XKR4: variants seen among roughly 807,000 people sequenced by gnomAD.
XKR4 encodes the protein XK related 4, also known as XK-related protein 4.
XKR4 carries 12 observed loss-of-function variants against 53.9 expected under a neutral mutation model. That is an observed-to-expected ratio of 0.22 (90% CI 0.14 to 0.36). The LOEUF (loss-of-function observed/expected upper bound fraction) is 0.36. Among genes scored for constraint, XKR4 ranks in the 10% least tolerant of loss-of-function variants. The pLI, the probability that XKR4 is intolerant of heterozygous loss-of-function variation, is 1.00. For missense variants in XKR4, 799 were observed against 859.5 expected (o/e 0.93, Z 0.88); for synonymous variants, 354 against 362.4 (o/e 0.98, Z 0.26).
At chr8:55,455,174 G>A in intron 2 of XKR4, 3 of 525,030 alleles carry the variant, frequency 5.7e-6, no homozygotes, top group South Asian at 5.3e-5. Context: ...GCGGCTCGGG[G>A]ACTCGAGGGC....
intron 2 of XKR4, among the ~76,000 whole-genome samples, chr8:55,394,114 T>G (rs191469920): frequency 2.9e-4 from 44 of 152,354 alleles, no homozygotes; most frequent in African/African-American, 7.9e-4. Context: ...ACTCAACTGC[T>G]TTTTTGAAGC....
chr8:55,278,196 G>C (rs1236017195), intron 1 of XKR4, among the ~76,000 whole-genome samples: 1 of 152,018 alleles, frequency 6.6e-6, no homozygotes, highest in Non-Finnish European at 1.5e-5. Flanking sequence ...AATTAGCCAG[G>C]CATGGTGATG....
At chr8:55,398,066 A>G (rs1804547770) in intron 2 of XKR4, among the ~76,000 whole-genome samples, 1 of 152,208 alleles carries the variant, frequency 6.6e-6, no homozygotes, top group South Asian at 2.1e-4. Flanking sequence ...ACAGATACAA[A>G]ATTTGTTTTT....
intron 1 of XKR4, among the ~76,000 whole-genome samples, chr8:55,315,186 G>A (rs1038894339): frequency 3.9e-5 from 6 of 152,140 alleles, no homozygotes; most frequent in African/African-American, 1.4e-4. Context: ...TTAGCAGGTA[G>A]CTTTAGCACT....
intron 1 of XKR4, among the ~76,000 whole-genome samples, chr8:55,237,060 T>C (rs1013953144): frequency 2.6e-5 from 4 of 152,244 alleles, no homozygotes; most frequent in Non-Finnish European, 5.9e-5. Flanking sequence ...TTCCTCTGAT[T>C]TGAAGTCGAC....
At chr8:55,354,480 C>T (rs964783650) in intron 1 of XKR4, among the ~76,000 whole-genome samples, 1 of 152,132 alleles carries the variant, frequency 6.6e-6, no homozygotes. Context: ...GGGGGAGGAG[C>T]AGAGGCAGCT....
At chr8:55,122,938 G>A (rs1017620143) in intron 1 of XKR4, among the ~76,000 whole-genome samples, 2 of 152,178 alleles carry the variant, frequency 1.3e-5, no homozygotes, top group Non-Finnish European at 2.9e-5. Flanking sequence ...ATGGCAGGGT[G>A]TGGATTGAGC....
intron 2 of XKR4, among the ~76,000 whole-genome samples, chr8:55,443,693 G>A (rs1233650846): frequency 2.6e-5 from 4 of 151,192 alleles, no homozygotes; most frequent in Non-Finnish European, 5.9e-5. Context: ...ATACAAAAAA[G>A]AGCCGGGCAT....
At chr8:55,142,729 T>C (rs1368928947) in intron 1 of XKR4, among the ~76,000 whole-genome samples, 1 of 152,242 alleles carries the variant, frequency 6.6e-6, no homozygotes, top group Non-Finnish European at 1.5e-5. Flanking sequence ...AGCTAAACAA[T>C]TGGGACTGAC....
At chr8:55,229,178 G>A (rs1817996558) in intron 1 of XKR4, among the ~76,000 whole-genome samples, 1 of 152,186 alleles carries the variant, frequency 6.6e-6, no homozygotes. Flanking sequence ...TGTAAGGCAG[G>A]CAGCAGGCAG....
intron 1 of XKR4, among the ~76,000 whole-genome samples, chr8:55,322,687 A>G (rs1355593548): frequency 6.6e-6 from 1 of 152,228 alleles, no homozygotes; most frequent in Admixed American, 6.5e-5. Flanking sequence ...AGTATAGAGT[A>G]GTATCTCATT....
At chr8:55,508,995 G>A (rs1806583641) in intron 2 of XKR4, among the ~76,000 whole-genome samples, 1 of 152,052 alleles carries the variant, frequency 6.6e-6, no homozygotes, top group Non-Finnish European at 1.5e-5. Context: ...TTTTGGAACT[G>A]GAGATGAAAT....
chr8:55,466,718 C>T (rs965018451), intron 2 of XKR4, among the ~76,000 whole-genome samples: 16 of 152,074 alleles, frequency 1.1e-4, no homozygotes, highest in Admixed American at 3.9e-4. Context: ...TTAACTCTTT[C>T]CATGTAATAT....
Position 55,534,363 on chromosome 8 carries a change from C to CTTTTTTTTTTTTTTTTTTTTTTTT in XKR4, c.*10141_*10164dup, listed in dbSNP as rs1160872780. 4.2e-5 allele frequency: 2 copies of CTTTTTTTTTTTTTTTTTTTTTTTT among 47,162 alleles called. 1 individual carries two copies. The highest frequency in any genetic ancestry group is 7.5e-5 in the Non-Finnish European group (2 of 26,632). 2.9% of individuals were successfully genotyped at this position (47,162 alleles called of 1,614,324 possible). A position where few individuals can be genotyped will look rare whatever the true frequency, so the allele number is the denominator to read the frequency against. On this transcript the variant is annotated 3_prime_UTR_variant, in exon 3 of 3. Transcript: ENST00000327381. ...GCTCAAAGATCACGAATCTGATATTCTTTTTTTTTTTTTTTTTTTTTTTTT... is the reference window on the plus strand; with the variant it reads ...GCTCAAAGATCACGAATCTGATATTCTTTTTTTTTTTTTTTTTTTTTTTTTTTTTTTTTTTTTTTTTTTTTTTTT...
intron 1 of XKR4, among the ~76,000 whole-genome samples, chr8:55,173,646 A>C (rs1299392256): frequency 6.6e-6 from 1 of 152,186 alleles, no homozygotes; most frequent in East Asian, 1.9e-4. Context: ...CACATTGTGA[A>C]AAAAGTGTTG....
chr8:55,537,956 T>C lies in XKR4; in HGVS notation c.*13729T>C, dbSNP rs1349098540. The C allele has an allele frequency of 6.6e-6, 1 of 152,206 alleles. No individual in the cohort carries two copies. Among genetic ancestry groups the C allele is most frequent in the Non-Finnish European group, 1.5e-5 (1 of 68,038 alleles). The allele number at this position is 152,206 out of a possible 1,614,324, so 9.4% of individuals were successfully genotyped here. On this transcript the variant is annotated 3_prime_UTR_variant, in exon 3 of 3. Transcript: ENST00000327381. ...ACAAAGACGTGACAACCTATTGTCC[T>C]CCACAAAAGCATGAGTCATTTTATT...
chr8:55,303,898 C>A (rs772006003), intron 1 of XKR4, among the ~76,000 whole-genome samples: 11 of 151,832 alleles, frequency 7.2e-5, no homozygotes, highest in Middle Eastern at 6.8e-3. Context: ...TTTCTTCTTT[C>A]TTAGTCTTGC....
chr8:55,333,985 A>T (rs996274460), intron 1 of XKR4, among the ~76,000 whole-genome samples: 1 of 152,206 alleles, frequency 6.6e-6, no homozygotes, highest in Non-Finnish European at 1.5e-5. Context: ...AAATTATTTT[A>T]GCCACTCTAG....
chr8:55,483,605 A>G (rs866362697), intron 2 of XKR4, among the ~76,000 whole-genome samples: 9 of 152,252 alleles, frequency 5.9e-5, no homozygotes, highest in Middle Eastern at 3.4e-3. Context: ...AAAATAATAC[A>G]TAGGTAAAAA....
Sources: gnomAD v4.1 joint callset for allele counts (sites outside exome capture counted in the v4.1 genomes callset) on GRCh38, gnomAD v4.1.1 for gene constraint, MANE v1.5 for transcripts, NCBI Gene and HGNC (gene_info 2026-07-23, HGNC 2026-07-21) for gene names.